The following LIN54 variants were observed in gnomAD, a reference collection of about 807,000 sequenced individuals.
The protein encoded by LIN54 is protein lin-54 homolog.
A neutral mutation model predicts 78.7 loss-of-function variants in LIN54; 9 were observed. That is an observed-to-expected ratio of 0.11 (90% CI 0.07 to 0.20). The LOEUF (loss-of-function observed/expected upper bound fraction) is 0.20, where lower values mean the gene tolerates loss of function less well. LIN54 is among the 10% of genes least tolerant of loss of function. LIN54 has a pLI of 1.00. For missense variants in LIN54, 573 were observed against 889.9 expected (o/e 0.64, Z 4.53); for synonymous variants, 269 against 318.4 (o/e 0.84, Z 1.65).
intron 3 of LIN54, among the ~76,000 whole-genome samples, chr4:82,972,936 C>G (rs1725793879): frequency 8.9e-6 from 1 of 112,300 alleles, no homozygotes; most frequent in African/African-American, 3.5e-5. Flanking sequence ...GCAACAAGAG[C>G]AAGAATCCCT....
At chr4:82,972,052 CTTTTG>C (rs1186442984) in intron 3 of LIN54, among the ~76,000 whole-genome samples, 2 of 151,880 alleles carry the variant, frequency 1.3e-5, no homozygotes, top group South Asian at 2.1e-4. Flanking sequence ...CAAAGTATGC[CTTTTG>C]TTTTGTTTTG....
intron 2 of LIN54, among the ~76,000 whole-genome samples, chr4:82,983,357 T>C (rs971192570): frequency 6.6e-6 from 1 of 152,158 alleles, no homozygotes; most frequent in Non-Finnish European, 1.5e-5. Flanking sequence ...GAAAGCCTAT[T>C]TGGGCATGAT....
intron 2 of LIN54, among the ~76,000 whole-genome samples, chr4:82,983,120 G>A (rs1410010251): frequency 2.7e-5 from 4 of 150,496 alleles, no homozygotes; most frequent in Non-Finnish European, 4.4e-5. Context: ...CGATTCTCCT[G>A]TCTCAGCCTC....
At chr4:82,998,106 T>G (rs1728396284) in intron 1 of LIN54, among the ~76,000 whole-genome samples, 1 of 150,546 alleles carries the variant, frequency 6.6e-6, no homozygotes, top group Non-Finnish European at 1.5e-5. Context: ...TTTTACATTT[T>G]ATACACTACT....
In LIN54 at chr4:82,997,970, G is replaced by A. The variant is rs1002877344; in HGVS notation, c.-33+12514C>T. Among the ~76,000 whole-genome samples the A allele has an allele frequency of 9.4e-5, 13 of 138,718 alleles. 1 individual carries two copies. Among genetic ancestry groups the A allele is most frequent in the Admixed American group, 4.7e-4 (6 of 12,772 alleles). The allele number at this position is 138,718 out of a possible 152,430, so 91.0% of individuals were successfully genotyped here. ...GATTGCACCACTGCACTCCAGCCTG[G>A]GCAAGAAGAGTGAAACTCCATCTCA... is the stretch of plus-strand genomic sequence containing the variant. On this transcript the variant is annotated intron_variant, in intron 1 of 12. Coordinates refer to ENST00000340417, the MANE Select transcript of LIN54 (RefSeq NM_194282.4).
At chr4:82,997,771 T>C (rs1173750655) in intron 1 of LIN54, among the ~76,000 whole-genome samples, 1 of 151,170 alleles carries the variant, frequency 6.6e-6, no homozygotes, top group African/African-American at 2.5e-5. Flanking sequence ...GGAGGGCGGA[T>C]CACCTGAGGT....
At chr4:82,962,232 C>T (rs1247701719) in intron 4 of LIN54, among the ~76,000 whole-genome samples, 1 of 152,144 alleles carries the variant, frequency 6.6e-6, no homozygotes, top group Non-Finnish European at 1.5e-5. Flanking sequence ...GCTTAACCCT[C>T]ATTTATTTGA....
chr4:82,999,272 C>T lies in LIN54; in HGVS notation c.-33+11212G>A, dbSNP rs191779915. On this transcript the variant is annotated intron_variant, in intron 1 of 12. Coordinates refer to ENST00000340417, the MANE Select transcript of LIN54 (RefSeq NM_194282.4). ...AGAAGCAGAGAAAAGTATGACATTA[C>T]AAGTAAAAGTTTAACAGCTTGATAA... Among the ~76,000 whole-genome samples, 404 of 152,230 alleles carry T rather than the reference C, an allele frequency of 2.7e-3. 4 individuals carry two copies. Among genetic ancestry groups the T allele is most frequent in the Admixed American group, 7.2e-3 (110 of 15,276 alleles).
At chr4:83,011,026 C>T (rs1322653162), upstream of LIN54, among the ~76,000 whole-genome samples, 1 of 152,216 alleles carries the variant, frequency 6.6e-6, no homozygotes, top group Non-Finnish European at 1.5e-5. Context: ...GCGCCACCTG[C>T]GGGGTCCCAA....
At chr4:82,990,644 C>T (rs1387234723) in intron 1 of LIN54, among the ~76,000 whole-genome samples, 1 of 152,010 alleles carries the variant, frequency 6.6e-6, no homozygotes, top group South Asian at 2.1e-4. Context: ...CCACCACGCC[C>T]GGCTAATTTT....
chr4:82,987,048 T>C (rs1259806022), intron 1 of LIN54, among the ~76,000 whole-genome samples: 2 of 152,166 alleles, frequency 1.3e-5, no homozygotes, highest in Non-Finnish European at 2.9e-5. Flanking sequence ...CCCAGCACTT[T>C]GGGAGGCCGA....
chr4:82,932,480 G>T (rs1722045802), intron 11 of LIN54, among the ~76,000 whole-genome samples: 1 of 151,492 alleles, frequency 6.6e-6, no homozygotes, highest in African/African-American at 2.4e-5. Flanking sequence ...ATGTGTAAAG[G>T]AAGGCTTTCC....
chr4:82,931,041 T>A lies in LIN54; in HGVS notation c.1950A>T (p.Val650=), dbSNP rs754340820. The A allele has an allele frequency of 6.8e-6, 11 of 1,614,220 alleles. No homozygotes were observed. Among genetic ancestry groups the A allele is most frequent in the Non-Finnish European group, 9.3e-6 (11 of 1,180,020 alleles). ...TLMHLADAAE[V]RVQQQTAAKT... ...TGGCTGCTGTTTGTTGCTGTACCCT[T>A]ACTTCAGCTGCATCTGCCAAATGCA... Residue 650 remains valine, a synonymous_variant, in exon 12 of 13, where the codon GTA becomes GTT. Coordinates refer to ENST00000340417, the MANE Select transcript of LIN54 (RefSeq NM_194282.4).
chr4:82,970,702 A>C (rs1725572835), intron 3 of LIN54, among the ~76,000 whole-genome samples: 1 of 152,204 alleles, frequency 6.6e-6, no homozygotes, highest in Admixed American at 6.5e-5. Flanking sequence ...AGTTTAGTTC[A>C]TGTGTTCATC....
intron 4 of LIN54, among the ~76,000 whole-genome samples, chr4:82,951,956 C>A (rs1189417213): frequency 6.6e-6 from 1 of 152,082 alleles, no homozygotes; most frequent in Non-Finnish European, 1.5e-5. Flanking sequence ...ACCTACCTAA[C>A]AAATTACACA....
intron 1 of LIN54, chr4:83,003,284 G>A (rs1053469655): frequency 6.6e-6 from 1 of 151,938 alleles, no homozygotes; most frequent in African/African-American, 2.4e-5. Context: ...CAAAGTGCTG[G>A]GATTACAGGT....
intron 3 of LIN54, among the ~76,000 whole-genome samples, chr4:82,976,642 AG>A (rs1726185415): frequency 6.6e-6 from 1 of 152,168 alleles, no homozygotes; most frequent in Non-Finnish European, 1.5e-5. Flanking sequence ...CAGGAGGCGG[AG>A]GTTGCAGTGA....
intron 11 of LIN54, among the ~76,000 whole-genome samples, chr4:82,932,728 G>A (rs1722069441): frequency 6.6e-6 from 1 of 151,722 alleles, no homozygotes. Context: ...GAGAGGCTGA[G>A]GCAGGAGAAT....
At chr4:82,988,272 T>C (rs1229187432) in intron 1 of LIN54, among the ~76,000 whole-genome samples, 2 of 152,250 alleles carry the variant, frequency 1.3e-5, no homozygotes, top group African/African-American at 4.8e-5. Flanking sequence ...TATGTACTTA[T>C]GACATAAAGC....
Sources: gnomAD v4.1 joint callset for allele counts (sites outside exome capture counted in the v4.1 genomes callset) on GRCh38, gnomAD v4.1.1 for gene constraint, MANE v1.5 for transcripts, NCBI Gene and HGNC (gene_info 2026-07-23, HGNC 2026-07-21) for gene names.